The following GABBR2 variants were observed in gnomAD, a reference collection of about 807,000 sequenced individuals.
The protein encoded by GABBR2 is gamma-aminobutyric acid type B receptor subunit 2.
A neutral mutation model predicts 105.6 loss-of-function variants in GABBR2; 23 were observed. The observed-to-expected ratio is 0.22, with a 90% confidence interval of 0.16 to 0.31. The LOEUF (loss-of-function observed/expected upper bound fraction) is 0.31, where lower values mean the gene tolerates loss of function less well. Among genes scored for constraint, GABBR2 ranks in the 10% least tolerant of loss-of-function variants. The pLI is 1.00. For missense variants in GABBR2, 734 were observed against 1,245.5 expected, an observed-to-expected ratio of 0.59 and a Z score of 6.18; for synonymous variants, 478 against 499.7, an observed-to-expected ratio of 0.96 and a Z score of 0.58.
intron 18 of GABBR2, among the ~76,000 whole-genome samples, chr9:98,292,208 C>A (rs868276286): frequency 1.3e-5 from 2 of 152,162 alleles, no homozygotes; most frequent in Admixed American, 1.3e-4. Context: ...TGGCCACTCA[C>A]GTGCAAAAAA....
At chr9:98,564,310 C>A (rs1388345351) in intron 2 of GABBR2, among the ~76,000 whole-genome samples, 1 of 152,194 alleles carries the variant, frequency 6.6e-6, no homozygotes, top group Non-Finnish European at 1.5e-5. Context: ...CTGCTTGCAG[C>A]AGGAAGCAGG....
At chr9:98,458,663 T>A (rs563487390) in intron 6 of GABBR2, among the ~76,000 whole-genome samples, 1 of 152,304 alleles carries the variant, frequency 6.6e-6, no homozygotes, top group South Asian at 2.1e-4. Flanking sequence ...CGAGATTGCA[T>A]CATTGCACTC....
chr9:98,534,360 A>G (rs1435962293), intron 3 of GABBR2, among the ~76,000 whole-genome samples: 2 of 152,172 alleles, frequency 1.3e-5, no homozygotes, highest in Admixed American at 1.3e-4. Context: ...GAAAAGGGAA[A>G]GGCAGCCATG....
chr9:98,644,290 T>A (rs1039250233), intron 1 of GABBR2, among the ~76,000 whole-genome samples: 1 of 152,182 alleles, frequency 6.6e-6, no homozygotes, highest in African/African-American at 2.4e-5. Context: ...GGTGGATAAT[T>A]ACACACATTG....
chr9:98,374,848 G>A (rs1423839334), intron 11 of GABBR2, among the ~76,000 whole-genome samples: 1 of 152,078 alleles, frequency 6.6e-6, no homozygotes, highest in Non-Finnish European at 1.5e-5. Flanking sequence ...TCATAGCTGC[G>A]AGTATGACTG....
At chr9:98,463,908 T>C (rs1265853375) in intron 6 of GABBR2, among the ~76,000 whole-genome samples, 1 of 152,208 alleles carries the variant, frequency 6.6e-6, no homozygotes, top group Non-Finnish European at 1.5e-5. Context: ...GGTGCTGGGA[T>C]TGCAGATGGA....
chr9:98,303,164 G>T, intron 16 of GABBR2, 77 bp downstream of exon 16: 2 of 1,201,942 alleles, frequency 1.7e-6, no homozygotes, highest in Non-Finnish European at 1.2e-6. Flanking sequence ...GTCTAGAGGA[G>T]CCTGAGAGTC....
intron 1 of GABBR2, among the ~76,000 whole-genome samples, chr9:98,578,302 C>T (rs932927758): frequency 6.6e-6 from 1 of 152,142 alleles, no homozygotes; most frequent in Non-Finnish European, 1.5e-5. Context: ...AATCTAGGAC[C>T]TCTCTCCAGC....
At chr9:98,519,436 T>A (rs554798375) in intron 3 of GABBR2, among the ~76,000 whole-genome samples, 2 of 152,362 alleles carry the variant, frequency 1.3e-5, no homozygotes, top group East Asian at 3.9e-4. Flanking sequence ...AGTCTGCACA[T>A]CCGTGATAGA....
chr9:98,488,413 G>C (rs1346433659), intron 4 of GABBR2, among the ~76,000 whole-genome samples: 6 of 152,134 alleles, frequency 3.9e-5, no homozygotes, highest in Non-Finnish European at 7.3e-5. Flanking sequence ...CACTAATATT[G>C]TTGGAGAATT....
intron 3 of GABBR2, among the ~76,000 whole-genome samples, chr9:98,529,512 A>G (rs1167544511): frequency 6.6e-6 from 1 of 152,262 alleles, no homozygotes; most frequent in Admixed American, 6.5e-5. Context: ...CTAGATGTTA[A>G]TGATGACCTT....
chr9:98,661,589 C>A (rs1830264632), intron 1 of GABBR2, among the ~76,000 whole-genome samples: 1 of 151,662 alleles, frequency 6.6e-6, no homozygotes, highest in Non-Finnish European at 1.5e-5. Flanking sequence ...TTAGTAGAGG[C>A]AGGGTTTCAC....
chr9:98,600,817 A>G (rs940313599), intron 1 of GABBR2, among the ~76,000 whole-genome samples: 3 of 152,192 alleles, frequency 2.0e-5, no homozygotes, highest in African/African-American at 7.2e-5. Context: ...CCGCACCGCC[A>G]CATGCGTGTG....
At chr9:98,474,712 C>T (rs1454987547) in intron 5 of GABBR2, among the ~76,000 whole-genome samples, 1 of 151,968 alleles carries the variant, frequency 6.6e-6, no homozygotes, top group East Asian at 1.9e-4. Context: ...TTGCTCTGGA[C>T]CCTGGGAAGG....
rs992952247 is a variant in GABBR2, at chr9:98,606,490, T to C, written c.322-28418A>G. Among the ~76,000 whole-genome samples, 27 of 131,982 alleles carry C rather than the reference T, an allele frequency of 2.0e-4. 1 individual carries two copies. The highest frequency in any genetic ancestry group is 6.8e-5 in the Non-Finnish European group (4 of 58,922). 86.6% of individuals were successfully genotyped at this position (131,982 alleles called of 152,430 possible). A position where few individuals can be genotyped will look rare whatever the true frequency, so the allele number is the denominator to read the frequency against. On this transcript the variant is annotated intron_variant, in intron 1 of 18. Transcript: ENST00000259455. ...CTATTATCTTTTTTTTTTCTTTTTTTTTTTTTTTGAGATGGAGTCTCACTC... is the reference window on the plus strand; with the variant it reads ...CTATTATCTTTTTTTTTTCTTTTTTCTTTTTTTTGAGATGGAGTCTCACTC...
At chr9:98,313,489 C>G (rs1348560837) in intron 13 of GABBR2, among the ~76,000 whole-genome samples, 1 of 152,180 alleles carries the variant, frequency 6.6e-6, no homozygotes, top group Non-Finnish European at 1.5e-5. Context: ...AGTGGAATCC[C>G]TGCCTTCGAA....
At chr9:98,368,351 A>T (rs1831718404) in intron 12 of GABBR2, among the ~76,000 whole-genome samples, 1 of 152,184 alleles carries the variant, frequency 6.6e-6, no homozygotes, top group Admixed American at 6.5e-5. Flanking sequence ...AAAAAGGTTA[A>T]AAAAGTGTGT....
intron 1 of GABBR2, among the ~76,000 whole-genome samples, chr9:98,676,228 G>T (rs1163522697): frequency 1.3e-5 from 2 of 152,220 alleles, no homozygotes; most frequent in Non-Finnish European, 1.5e-5. Context: ...GCCAAGGAAT[G>T]CAGGTGACCT....
chr9:98,305,346 T>A (rs896034894), intron 15 of GABBR2, among the ~76,000 whole-genome samples: 4 of 152,220 alleles, frequency 2.6e-5, no homozygotes, highest in South Asian at 4.1e-4. Flanking sequence ...AAGGAAACTG[T>A]GTTATGCAGA....
Sources: gnomAD v4.1 joint callset for allele counts (sites outside exome capture counted in the v4.1 genomes callset) on GRCh38, gnomAD v4.1.1 for gene constraint, MANE v1.5 for transcripts, NCBI Gene and HGNC (gene_info 2026-07-23, HGNC 2026-07-21) for gene names.